Variants in BRDT observed in about 807,000 individuals in gnomAD.
The protein encoded by BRDT is bromodomain testis associated.
A neutral mutation model predicts 113.9 loss-of-function variants in BRDT; 77 were observed. The observed-to-expected ratio is 0.68, with a 90% CI of 0.56 to 0.82. The LOEUF (loss-of-function observed/expected upper bound fraction) is 0.82. BRDT is among the 40% of genes least tolerant of loss of function. The pLI is 0.00. For synonymous variants in BRDT, 358 were observed against 366.5 expected, an observed-to-expected ratio of 0.98 and a Z score of 0.26; for missense variants, 1,027 against 1,105.4, an observed-to-expected ratio of 0.93 and a Z score of 1.01.
At position 91,981,163 on chromosome 1, in the gene BRDT, C is replaced by G; in HGVS notation, c.1735C>G (p.Pro579Ala). Residue 579 changes from proline to alanine, a missense_variant, in exon 10 of 19, where the codon CCA becomes GCA. Coordinates refer to ENST00000399546, the MANE Select transcript of BRDT (RefSeq NM_207189.4). ...KYVSACLRKR[P>A]LKPPAKKIMM... ...TGTTTCGGCATGTCTAAGAAAGAGACCATTAAAACCTCCTGGTATGTATTT... is the reference window on the plus strand; with the variant it reads ...TGTTTCGGCATGTCTAAGAAAGAGAGCATTAAAACCTCCTGGTATGTATTT... 1 of 1,608,966 alleles carries G rather than the reference C, an allele frequency of 6.2e-7. No individual in the cohort carries two copies. The highest frequency in any genetic ancestry group is 8.5e-7 in the Non-Finnish European group (1 of 1,178,528).
In BRDT at chr1:92,005,275, A is replaced by G. The variant is rs1325980994; in HGVS notation, c.2751A>G (p.Glu917=). The G allele has an allele frequency of 6.4e-7, 1 of 1,567,452 alleles. No individual in the cohort carries two copies. Among genetic ancestry groups the G allele is most frequent in the Admixed American group, 2.1e-5 (1 of 47,748 alleles). ...LKDRDLARQK[E]QERRRREAMV... Reference sequence around the variant, plus strand: ...ACCGTGATTTAGCAAGGCAGAAAGAACAAGAGAGGAGGAGGAGAGAAGCAG... The same window carrying G: ...ACCGTGATTTAGCAAGGCAGAAAGAGCAAGAGAGGAGGAGGAGAGAAGCAG... The change falls in exon 18 of 19, where the codon GAA becomes GAG. Residue 917 remains glutamate (E), a synonymous_variant. Coordinates refer to ENST00000399546, the MANE Select transcript of BRDT (RefSeq NM_207189.4).
Position 92,004,537 on chromosome 1 carries a change from G to A in BRDT, c.2512G>A (p.Val838Ile). ...TAGAAAAGCAGCCATAGAAAAGGAA[G>A]TAAAAGCTCGGACACAGGAACTCAT... ...QFRKAAIEKEVKARTQELIRK... is the reference protein window; with the variant it reads ...QFRKAAIEKEIKARTQELIRK... Residue 838 changes from valine to isoleucine, a missense_variant, in exon 17 of 19, where the codon GTA (valine) becomes ATA (isoleucine). Coordinates refer to ENST00000399546, the MANE Select transcript of BRDT (RefSeq NM_207189.4). The A allele has an allele frequency of 6.2e-7, 1 of 1,613,434 alleles. No homozygotes were observed.
intron 12 of BRDT, among the ~76,000 whole-genome samples, chr1:91,986,663 C>A (rs1243853937): frequency 6.6e-6 from 1 of 152,004 alleles, no homozygotes; most frequent in East Asian, 1.9e-4. Context: ...AAAAAACTTT[C>A]TTAGTTATGG....
At chr1:91,971,494 G>C (rs1487935113) in intron 4 of BRDT, among the ~76,000 whole-genome samples, 1 of 152,092 alleles carries the variant, frequency 6.6e-6, no homozygotes, top group Admixed American at 6.5e-5. Flanking sequence ...GTCATATGAT[G>C]GTAGCTAGTT....
intron 13 of BRDT, among the ~76,000 whole-genome samples, chr1:91,991,865 G>A (rs907306703): frequency 9.9e-5 from 15 of 151,734 alleles, no homozygotes; most frequent in East Asian, 5.8e-4. Context: ...GGCGCCATGC[G>A]CCTGTAATCC....
At chr1:91,996,739 A>G (rs1410583) in intron 15 of BRDT, among the ~76,000 whole-genome samples, 107,199 of 152,172 alleles carry the variant, frequency 0.7, 39,012 homozygotes, top group Middle Eastern at 0.8. Context: ...CAGAATTGAT[A>G]TACTTCGTTA....
intron 15 of BRDT, among the ~76,000 whole-genome samples, chr1:92,001,466 C>T (rs1052521258): frequency 2.6e-5 from 4 of 152,154 alleles, no homozygotes; most frequent in South Asian, 2.1e-4. Flanking sequence ...GAGGCTGAGG[C>T]GGGCAGATCA....
At chr1:91,964,217 C>T (rs557736495) in intron 2 of BRDT, among the ~76,000 whole-genome samples, 2 of 152,326 alleles carry the variant, frequency 1.3e-5, no homozygotes, top group South Asian at 2.1e-4. Context: ...CGCATCATCA[C>T]ACCAGGCTTA....
At chr1:91,964,541 G>A (rs1682852686) in intron 2 of BRDT, 86 bp from the exon 3 acceptor site, 4 of 828,354 alleles carry the variant, frequency 4.8e-6, no homozygotes, top group South Asian at 7.6e-5. Context: ...CTAGTTGCAG[G>A]TGTATAGTGC....
chr1:92,002,184 A>C (rs72954738), intron 16 of BRDT, 35 bp downstream of exon 16: 111,257 of 1,473,262 alleles, frequency 0.076, 4,595 homozygotes, highest in Non-Finnish European at 0.088. Context: ...CAAATCTTGA[A>C]GGGATTTGAA....
chr1:91,962,436 G>A (rs369365595), intron 1 of BRDT, among the ~76,000 whole-genome samples: 9 of 151,706 alleles, frequency 5.9e-5, no homozygotes, highest in African/African-American at 2.2e-4. Context: ...CGGATTTAAG[G>A]GATTCTCCCT....
Position 91,991,257 on chromosome 1 carries a change from C to G in BRDT, c.2064+12C>G. 6.9e-7 allele frequency: 1 copy of G among 1,456,892 alleles called. No individual in the cohort carries two copies. The highest frequency in any genetic ancestry group is 9.4e-7 in the Non-Finnish European group (1 of 1,061,948). 90.2% of individuals were successfully genotyped at this position (1,456,892 alleles called of 1,614,324 possible). A position where few individuals can be genotyped will look rare whatever the true frequency, so the allele number is the denominator to read the frequency against. On this transcript the variant is annotated intron_variant, in intron 13 of 18. Coordinates refer to ENST00000399546, the MANE Select transcript of BRDT (RefSeq NM_207189.4). The stretch of plus-strand genomic sequence containing the variant: ...AAGAGAATGTAAAGGTAAGTGAATT[C>G]TTTATTTGTATCTGAATTTTAAAAG...
intron 15 of BRDT, among the ~76,000 whole-genome samples, chr1:91,999,442 A>G (rs1479928056): frequency 3.3e-5 from 5 of 152,138 alleles, no homozygotes; most frequent in African/African-American, 1.2e-4. Context: ...TCTCTTAACA[A>G]TCCCATCTGT....
At chr1:91,995,296 C>T (rs1686192257) in intron 15 of BRDT, among the ~76,000 whole-genome samples, 1 of 152,162 alleles carries the variant, frequency 6.6e-6, no homozygotes, top group Admixed American at 6.6e-5. Flanking sequence ...AGGTATCTCC[C>T]TAGCAGAATA....
intron 1 of BRDT, among the ~76,000 whole-genome samples, chr1:91,961,065 C>T (rs1487778783): frequency 6.6e-6 from 1 of 152,150 alleles, no homozygotes; most frequent in Non-Finnish European, 1.5e-5. Flanking sequence ...AATCCCAGCA[C>T]TTTGGGAGGT....
At chr1:91,964,278 C>G (rs1364286689) in intron 2 of BRDT, among the ~76,000 whole-genome samples, 1 of 152,228 alleles carries the variant, frequency 6.6e-6, no homozygotes, top group Non-Finnish European at 1.5e-5. Context: ...TCAGGCTGGT[C>G]TCGAACTCGT....
intron 4 of BRDT, 76 bp downstream of exon 4, chr1:91,968,336 C>T (rs577256865): frequency 3.0e-4 from 459 of 1,528,124 alleles, no homozygotes; most frequent in Non-Finnish European, 3.9e-4. Context: ...GTGTAAATCC[C>T]TCAAAGGAGA....
intron 3 of BRDT, among the ~76,000 whole-genome samples, chr1:91,965,009 A>G (rs1166253826): frequency 6.6e-6 from 1 of 151,522 alleles, no homozygotes; most frequent in Non-Finnish European, 1.5e-5. Context: ...CCCAGGTTCA[A>G]GTGATTCTCC....
At chr1:92,013,188 A>G (rs1379958617) in intron 18 of BRDT, among the ~76,000 whole-genome samples, 4 of 149,864 alleles carry the variant, frequency 2.7e-5, no homozygotes, top group Non-Finnish European at 5.9e-5. Context: ...ACTGCACTCC[A>G]GCCTGGGTGA....
Sources: gnomAD v4.1 joint callset for allele counts (sites outside exome capture counted in the v4.1 genomes callset) on GRCh38, gnomAD v4.1.1 for gene constraint, MANE v1.5 for transcripts, NCBI Gene and HGNC (gene_info 2026-07-23, HGNC 2026-07-21) for gene names.